Variants in CRACDL observed in about 807,000 individuals in gnomAD.
The protein encoded by CRACDL is CRACD-like protein.
Under a neutral mutation model 70.6 loss-of-function variants are expected in CRACDL, and 26 were observed. The observed-to-expected ratio is 0.37, with a 90% CI of 0.27 to 0.51. CRACDL has a LOEUF of 0.51. CRACDL is among the 20% of genes least tolerant of loss of function. The pLI is 0.94. For missense variants in CRACDL, 1,283 were observed against 1,376.9 expected (o/e 0.93, Z 1.08); for synonymous variants, 618 against 615.2 (o/e 1.00, Z -0.07).
intron 1 of CRACDL, among the ~76,000 whole-genome samples, chr2:98,892,898 ACT>A (rs1460551675): frequency 6.6e-6 from 1 of 151,228 alleles, no homozygotes; most frequent in Admixed American, 6.6e-5. Context: ...TACTAAACTC[ACT>A]CTGTGGCCCT....
At chr2:98,923,143 C>T (rs183358027) in intron 1 of CRACDL, among the ~76,000 whole-genome samples, 10 of 151,848 alleles carry the variant, frequency 6.6e-5, no homozygotes, top group Middle Eastern at 6.8e-3. Context: ...TGGCAGTGTG[C>T]GCCTGTAGTC....
chr2:98,832,265 G>A, intron 5 of CRACDL, 83 bp downstream of exon 5: 1 of 1,452,756 alleles, frequency 6.9e-7, no homozygotes. Context: ...AGATCTTAGG[G>A]GCACACACAG....
chr2:98,823,684 T>C lies in CRACDL; in HGVS notation c.736-147A>G. On this transcript the variant is annotated intron_variant, in intron 6 of 9. Transcript: ENST00000397899. The surrounding 1 kb of genome is among the most constrained non-coding windows in gnomAD (Gnocchi z 4.0). ...AAGTAGGCATGTACCCACGGGTGTCTTTTCTCAGTCTGTATCCTACTGGTC... is the reference window on the plus strand; with the variant it reads ...AAGTAGGCATGTACCCACGGGTGTCCTTTCTCAGTCTGTATCCTACTGGTC... The C allele has an allele frequency of 1.0e-6, 1 of 987,312 alleles. No individual in the cohort carries two copies. Among genetic ancestry groups the C allele is most frequent in the Non-Finnish European group, 1.5e-6 (1 of 661,418 alleles). 61.2% of individuals were successfully genotyped at this position (987,312 alleles called of 1,614,324 possible). A position where few individuals can be genotyped will look rare whatever the true frequency, so the allele number is the denominator to read the frequency against.
intron 1 of CRACDL, chr2:98,897,601 A>T (rs1708162163): frequency 3.8e-6 from 1 of 261,108 alleles, no homozygotes; most frequent in South Asian, 4.3e-5. Context: ...ATTAACCTTT[A>T]TTTTCATTAT....
At chr2:98,932,839 G>C (rs1398359565) in intron 1 of CRACDL, among the ~76,000 whole-genome samples, 1 of 152,178 alleles carries the variant, frequency 6.6e-6, no homozygotes, top group South Asian at 2.1e-4. Flanking sequence ...GCCATGATGT[G>C]CAGAGGACAG....
chr2:98,835,459 T>C (rs1156246314), intron 3 of CRACDL, among the ~76,000 whole-genome samples: 1 of 152,200 alleles, frequency 6.6e-6, no homozygotes, highest in African/African-American at 2.4e-5. Flanking sequence ...CCATCAAAGA[T>C]GAATGGGGTC....
chr2:98,881,726 C>G (rs914159230), intron 1 of CRACDL, among the ~76,000 whole-genome samples: 2 of 152,180 alleles, frequency 1.3e-5, no homozygotes, highest in Non-Finnish European at 2.9e-5. Context: ...ACCATCCAGG[C>G]GATGGAAGCC....
At position 98,827,125 on chromosome 2, in the gene CRACDL, A is replaced by C. The variant is rs778878685; in HGVS notation, c.585T>G (p.Ser195=). Residue 195 remains serine (S), a synonymous_variant, in exon 6 of 10, where the codon TCT becomes TCG. Coordinates refer to ENST00000397899, the MANE Select transcript of CRACDL (RefSeq NM_207362.3). Reference sequence around the variant, plus strand: ...CCAGGCTGTTGTCTGAGATCCGGGCAGAGACGGTGCTGTCGCTCACGTGGT... The same window carrying C: ...CCAGGCTGTTGTCTGAGATCCGGGCCGAGACGGTGCTGTCGCTCACGTGGT... ...SPDHVSDSTV[S]ARISDNSLAP... is the part of the protein sequence containing the mutation. 19 of 1,614,144 alleles carry C rather than the reference A, an allele frequency of 1.2e-5. 1 individual carries two copies. The South Asian group carries it at 2.0e-4, about 17-fold the overall frequency.
chr2:98,850,590 C>CACT (rs1253473997), intron 1 of CRACDL, among the ~76,000 whole-genome samples: 1 of 152,210 alleles, frequency 6.6e-6, no homozygotes, highest in Admixed American at 6.5e-5. Flanking sequence ...TCCACCCTTC[C>CACT]ACTCCTGGAG....
At chr2:98,911,634 C>G (rs1405104669) in intron 1 of CRACDL, among the ~76,000 whole-genome samples, 2 of 152,198 alleles carry the variant, frequency 1.3e-5, no homozygotes, top group East Asian at 3.9e-4. Context: ...CCTGAAGGAG[C>G]TGGTGGGTGG....
At chr2:98,883,547 G>A (rs1339620688) in intron 1 of CRACDL, among the ~76,000 whole-genome samples, 2 of 152,188 alleles carry the variant, frequency 1.3e-5, no homozygotes, top group African/African-American at 2.4e-5. Context: ...AGTCATGTAC[G>A]TATCAGGTGC....
Position 98,869,156 on chromosome 2 carries a change from C to T in CRACDL, c.-10-22346G>A, listed in dbSNP as rs867873339. 2.3e-6 allele frequency: 3 copies of T among 1,304,250 alleles called. No homozygotes were observed. The African/African-American group carries it at 4.6e-5, about 20-fold the overall frequency. 80.8% of individuals were successfully genotyped at this position (1,304,250 alleles called of 1,614,324 possible). On this transcript the variant is annotated intron_variant, in intron 1 of 9. Transcript: ENST00000397899. ...GTGAGCCTCCAGCTCTCTCATCCTC[C>T]TGGAAGCTAGCAGCAGGGAGAAGAG...
At chr2:98,824,377 C>T (rs926705386) in intron 6 of CRACDL, among the ~76,000 whole-genome samples, 1 of 151,740 alleles carries the variant, frequency 6.6e-6, no homozygotes, top group Non-Finnish European at 1.5e-5. Flanking sequence ...AGATTCCCCC[C>T]TTCTCTGGCC....
intron 1 of CRACDL, among the ~76,000 whole-genome samples, chr2:98,848,444 G>T (rs1389133970): frequency 6.6e-6 from 1 of 152,094 alleles, no homozygotes; most frequent in Non-Finnish European, 1.5e-5. Context: ...TGGTGAGGGT[G>T]GCCTAGGAGT....
intron 1 of CRACDL, among the ~76,000 whole-genome samples, chr2:98,930,379 A>C (rs1363179388): frequency 3.8e-5 from 1 of 26,222 alleles, no homozygotes; most frequent in Non-Finnish European, 6.3e-5. Context: ...CACCCTCTGT[A>C]CCGTGTCCCC....
chr2:98,916,024 A>T (rs1558638298), intron 1 of CRACDL, among the ~76,000 whole-genome samples: 1 of 152,200 alleles, frequency 6.6e-6, no homozygotes, highest in Non-Finnish European at 1.5e-5. Context: ...ACTTACAGAG[A>T]CAGACGGATG....
At chr2:98,875,426 A>G (rs2104605440) in intron 1 of CRACDL, among the ~76,000 whole-genome samples, 1 of 152,362 alleles carries the variant, frequency 6.6e-6, no homozygotes, top group East Asian at 1.9e-4. Flanking sequence ...GTCATCTCAG[A>G]CACTGTGCTC....
chr2:98,820,464 G>A (rs747920323), intron 7 of CRACDL, among the ~76,000 whole-genome samples: 4 of 152,176 alleles, frequency 2.6e-5, no homozygotes. Flanking sequence ...AACCCGGCAG[G>A]TGGAGGTTGC....
Position 98,822,161 on chromosome 2 carries a change from C to G in CRACDL, c.2112G>C (p.Lys704Asn), listed in dbSNP as rs200427787. The G allele has an allele frequency of 1.3e-3, 2,111 of 1,608,266 alleles. 4 individuals are homozygous for G. The highest frequency in any genetic ancestry group is 1.7e-3 in the Non-Finnish European group (2,036 of 1,177,686). ...CCTCGGCACTGTACCTCTTCACACC[C>G]TTCACCTCCTGAGAGGCGCCATCCC... is the stretch of plus-strand genomic sequence containing the variant. Reference protein sequence around the residue: ...KYRDGASQEVKGVKRYSAEVR... With the variant: ...KYRDGASQEVNGVKRYSAEVR... The change falls in exon 7 of 10, where the codon AAG becomes AAC. Residue 704 changes from lysine (K) to asparagine (N), a missense_variant. Physicochemically the swap from Lys to Asn is moderately conservative, Grantham distance 94 (BLOSUM62 0). Around this residue, in one of 2 missense-constraint regions of CRACDL, gnomAD observed 921 missense variants for 881.9 expected, o/e 1.04. Coordinates refer to ENST00000397899, the MANE Select transcript of CRACDL (RefSeq NM_207362.3). This position sits in a 1 kb window ranked among gnomAD's most constrained non-coding sequence, Gnocchi z 4.9.
Sources: gnomAD v4.1 joint callset for allele counts (sites outside exome capture counted in the v4.1 genomes callset) on GRCh38, gnomAD v4.1.1 for gene constraint, gnomAD v4.1.1 regional missense constraint, Gnocchi (gnomAD v3.1) non-coding constraint, MANE v1.5 for transcripts, NCBI Gene and HGNC (gene_info 2026-07-23, HGNC 2026-07-21) for gene names.